MAP3K7: variants seen among roughly 807,000 people sequenced by gnomAD.
MAP3K7 encodes the protein TGF-beta activated kinase 1.
Under a neutral mutation model 84.8 loss-of-function variants are expected in MAP3K7, and 21 were observed. The ratio of observed to expected loss-of-function variants is 0.25; its 90% CI spans 0.18 to 0.36. The LOEUF (loss-of-function observed/expected upper bound fraction) is 0.36. Ranked by LOEUF, MAP3K7 falls within the 10% of genes least tolerant of loss-of-function variation. The pLI is 1.00. For synonymous variants in MAP3K7, 241 were observed against 247.7 expected (o/e 0.97, Z 0.25); for missense variants, 503 against 747.7 (o/e 0.67, Z 3.82).
chr6:90,565,228 C>A (rs1562103388), intron 3 of MAP3K7, among the ~76,000 whole-genome samples: 1 of 151,510 alleles, frequency 6.6e-6, no homozygotes, highest in African/African-American at 2.4e-5. Context: ...CTGAAGGAGA[C>A]AGAGACACAA....
At chr6:90,563,233 G>C (rs1228748280) in intron 3 of MAP3K7, among the ~76,000 whole-genome samples, 1 of 152,216 alleles carries the variant, frequency 6.6e-6, no homozygotes, top group African/African-American at 2.4e-5. Flanking sequence ...TTGATGAGTT[G>C]AGAGAAGAAG....
At chr6:90,546,350 T>G (rs547802842) in intron 11 of MAP3K7, among the ~76,000 whole-genome samples, 1 of 152,136 alleles carries the variant, frequency 6.6e-6, no homozygotes, top group African/African-American at 2.4e-5. Context: ...TTAAAAAAGA[T>G]GCAAATACAC....
chr6:90,526,186 G>A (rs891640707), intron 13 of MAP3K7, among the ~76,000 whole-genome samples: 2 of 151,730 alleles, frequency 1.3e-5, no homozygotes, highest in African/African-American at 4.8e-5. Flanking sequence ...TTATATAAAA[G>A]GAGACCAAAA....
At chr6:90,563,912 G>T (rs913889588) in intron 3 of MAP3K7, among the ~76,000 whole-genome samples, 5 of 152,140 alleles carry the variant, frequency 3.3e-5, no homozygotes, top group Admixed American at 6.5e-5. Context: ...GGGGCCAATA[G>T]TCAACATTCT....
intron 14 of MAP3K7, among the ~76,000 whole-genome samples, chr6:90,522,885 C>T (rs1484772209): frequency 6.6e-6 from 1 of 152,070 alleles, no homozygotes; most frequent in African/African-American, 2.4e-5. Context: ...ATATCAAATG[C>T]TTTAATTTTC....
rs1040962323 is a variant in MAP3K7 at position 90,544,615 on chromosome 6, G to A, written c.1228C>T (p.Arg410Trp). ...AATGAAGCAGTTTTACGGTGGCCCCGTTTAGGCTTGGAATAGGCTGCAAAA... is the reference window on the plus strand; with the variant it reads ...AATGAAGCAGTTTTACGGTGGCCCCATTTAGGCTTGGAATAGGCTGCAAAA... Reference protein sequence around the residue: ...AATTAYSKPKRGHRKTASFGN... With the variant: ...AATTAYSKPKWGHRKTASFGN... Residue 410 changes from arginine (R) to tryptophan (W), a missense_variant, in exon 12 of 17, where the codon CGG becomes TGG. Arg to Trp is a moderately radical substitution (Grantham distance 101). Transcript: ENST00000369329. The A allele has an allele frequency of 4.3e-6, 7 of 1,612,352 alleles. No homozygotes were observed. The highest frequency in any genetic ancestry group is 1.1e-5 in the South Asian group (1 of 91,036).
intron 12 of MAP3K7, among the ~76,000 whole-genome samples, chr6:90,538,417 T>C (rs1395951103): frequency 2.0e-5 from 3 of 151,908 alleles, no homozygotes; most frequent in African/African-American, 4.8e-5. Context: ...GATATGTACA[T>C]ACCTATATTA....
At chr6:90,536,599 G>T in intron 12 of MAP3K7, 198 bp from the exon 13 acceptor site, 1 of 542,580 alleles carries the variant, frequency 1.8e-6, no homozygotes, top group Non-Finnish European at 3.3e-6. Flanking sequence ...AAACAGCTGC[G>T]GTGTTTTAAC....
In MAP3K7 at chr6:90,587,048, C is replaced by T; in HGVS notation, c.-165G>A. 2.5e-6 allele frequency: 2 copies of T among 795,418 alleles called. No homozygotes were observed. The highest frequency in any genetic ancestry group is 3.6e-6 in the Non-Finnish European group (2 of 557,534). The allele number at this position is 795,418 out of a possible 1,614,324, so 49.3% of individuals were successfully genotyped here. A position where few individuals can be genotyped will look rare whatever the true frequency, so the allele number is the denominator to read the frequency against. ...AGGCAGCGGCCACAGCCGTGTCCGG[C>T]TCTGGCTCCGCTGCGTTTTCCGCCG... On this transcript the variant is annotated 5_prime_UTR_variant, in exon 1 of 17. Coordinates refer to ENST00000369329, the MANE Select transcript of MAP3K7 (RefSeq NM_145331.3).
At chr6:90,529,718 T>C (rs1406938800) in intron 13 of MAP3K7, among the ~76,000 whole-genome samples, 2 of 152,214 alleles carry the variant, frequency 1.3e-5, no homozygotes, top group Admixed American at 6.5e-5. Context: ...ATTTTGGCTG[T>C]ATAGTCAGTT....
At chr6:90,528,879 T>C (rs1289556354) in intron 13 of MAP3K7, among the ~76,000 whole-genome samples, 1 of 152,210 alleles carries the variant, frequency 6.6e-6, no homozygotes. Flanking sequence ...CTGAAATTGC[T>C]TCAGAAATTC....
chr6:90,569,268 C>T (rs1260526433), intron 2 of MAP3K7, among the ~76,000 whole-genome samples: 1 of 152,082 alleles, frequency 6.6e-6, no homozygotes, highest in African/African-American at 2.4e-5. Flanking sequence ...TACTTGCCTC[C>T]ATTCCATTTC....
Position 90,518,449 on chromosome 6 carries a change from T to C in MAP3K7, c.1638A>G (p.Arg546=). The change falls in exon 16 of 17, where the codon AGA becomes AGG. Residue 546 remains arginine, a splice_region_variant and synonymous_variant. Transcript: ENST00000369329. Reference sequence around the variant, plus strand: ...TTTATTCATAAAAAATAACTTACTTTCTCTGTAATAACAATGCAATTTCTG... The same window carrying C: ...TTTATTCATAAAAAATAACTTACTTCCTCTGTAATAACAATGCAATTTCTG... ...VQTEIALLLQ[R]KQELVAELDQ... The C allele has an allele frequency of 4.0e-6, 6 of 1,483,856 alleles. No homozygotes were observed. Among genetic ancestry groups the C allele is most frequent in the Non-Finnish European group, 4.7e-6 (5 of 1,071,204 alleles). The allele number at this position is 1,483,856 out of a possible 1,614,324, so 91.9% of individuals were successfully genotyped here. A position where few individuals can be genotyped will look rare whatever the true frequency, so the allele number is the denominator to read the frequency against.
At chr6:90,563,713 G>A (rs1195294156) in intron 3 of MAP3K7, among the ~76,000 whole-genome samples, 1 of 152,138 alleles carries the variant, frequency 6.6e-6, no homozygotes, top group Non-Finnish European at 1.5e-5. Flanking sequence ...AGGAAATACA[G>A]AGAACGCCAC....
At chr6:90,527,159 C>G (rs900530925) in intron 13 of MAP3K7, among the ~76,000 whole-genome samples, 1 of 152,166 alleles carries the variant, frequency 6.6e-6, no homozygotes, top group Admixed American at 6.5e-5. Context: ...AAGGACAAAA[C>G]CTCAACAGAT....
intron 1 of MAP3K7, among the ~76,000 whole-genome samples, chr6:90,578,422 G>A (rs918920542): frequency 1.3e-5 from 2 of 152,138 alleles, no homozygotes; most frequent in Admixed American, 6.5e-5. Context: ...TTACAGGCTT[G>A]TGCCACCACA....
chr6:90,582,880 C>CTTTTTTTTT (rs535938524), intron 1 of MAP3K7, among the ~76,000 whole-genome samples: 1 of 129,162 alleles, frequency 7.7e-6, no homozygotes. Context: ...CTTCTATCAT[C>CTTTTTTTTT]TTTTTTTTTT....
At chr6:90,575,543 G>A (rs895112664) in intron 1 of MAP3K7, among the ~76,000 whole-genome samples, 1 of 152,186 alleles carries the variant, frequency 6.6e-6, no homozygotes, top group African/African-American at 2.4e-5. Context: ...AGTAGAACAC[G>A]TAAGGGATAA....
chr6:90,539,985 C>A (rs76081191), intron 12 of MAP3K7, among the ~76,000 whole-genome samples: 3 of 151,926 alleles, frequency 2.0e-5, no homozygotes, highest in South Asian at 2.1e-4. Context: ...AAAGCGAATA[C>A]GCGTTTTTTA....
Sources: gnomAD v4.1 joint callset for allele counts (sites outside exome capture counted in the v4.1 genomes callset) on GRCh38, gnomAD v4.1.1 for gene constraint, MANE v1.5 for transcripts, NCBI Gene and HGNC (gene_info 2026-07-23, HGNC 2026-07-21) for gene names.